Variants in ITPRID2 observed in about 807,000 individuals in gnomAD.
ITPRID2 encodes protein ITPRID2.
ITPRID2 carries 60 observed loss-of-function variants against 124.3 expected under a neutral mutation model. The ratio of observed to expected loss-of-function variants is 0.48; its 90% CI spans 0.39 to 0.60. The LOEUF (loss-of-function observed/expected upper bound fraction) is 0.60. Ranked by LOEUF, ITPRID2 falls within the 20% of genes least tolerant of loss-of-function variation. The pLI, the probability that ITPRID2 is intolerant of heterozygous loss-of-function variation, is 0.00. For missense variants in ITPRID2, 1,553 were observed against 1,512.2 expected (o/e 1.03, Z -0.45); for synonymous variants, 521 against 542.9 (o/e 0.96, Z 0.56).
At position 181,892,317 on chromosome 2, in the gene ITPRID2, G is replaced by A; in HGVS notation, c.211+40G>A. Reference sequence around the variant, plus strand: ...CCGGGCTCCGGGGGGAGGCTGGTGGGCTGGGGAGAGTCTCGTGCGCCCTGG... The same window carrying A: ...CCGGGCTCCGGGGGGAGGCTGGTGGACTGGGGAGAGTCTCGTGCGCCCTGG... On this transcript the variant is annotated intron_variant, in intron 1 of 17. Coordinates refer to ENST00000431877, the MANE Select transcript of ITPRID2 (RefSeq NM_001130445.3). This position sits in a 1 kb window ranked among gnomAD's most constrained non-coding sequence, Gnocchi z 5.2. The A allele has an allele frequency of 6.6e-7, 1 of 1,513,438 alleles. No homozygotes were observed. The highest frequency in any genetic ancestry group is 1.4e-5 in the African/African-American group (1 of 72,598). 93.8% of individuals were successfully genotyped at this position (1,513,438 alleles called of 1,614,324 possible).
At chr2:181,925,053 T>C (rs1694746612) in intron 16 of ITPRID2, among the ~76,000 whole-genome samples, 2 of 152,150 alleles carry the variant, frequency 1.3e-5, no homozygotes, top group Non-Finnish European at 2.9e-5. Flanking sequence ...GTTTAGAGAG[T>C]TATTTGTTAA....
chr2:181,909,459 G>C (rs912267850), intron 8 of ITPRID2, among the ~76,000 whole-genome samples: 1 of 152,118 alleles, frequency 6.6e-6, no homozygotes, highest in Admixed American at 6.5e-5. Context: ...TTAACGTATA[G>C]AGAACTTTTC....
chr2:181,913,763 T>C (rs1288534206), intron 9 of ITPRID2, 82 bp from the exon 10 acceptor site: 2 of 895,506 alleles, frequency 2.2e-6, no homozygotes, highest in African/African-American at 1.7e-5. Context: ...TCTGTAGTAA[T>C]ATTGCTCTCA....
chr2:181,898,845 C>T (rs758466091), intron 4 of ITPRID2, 35 bp from the exon 5 acceptor site: 1 of 1,516,824 alleles, frequency 6.6e-7, no homozygotes, highest in Non-Finnish European at 9.1e-7. Flanking sequence ...GTCCTACTAA[C>T]AATTGTGCTC....
chr2:181,924,106 A>G (rs998762771), intron 16 of ITPRID2, among the ~76,000 whole-genome samples: 2 of 152,180 alleles, frequency 1.3e-5, no homozygotes, highest in African/African-American at 2.4e-5. Flanking sequence ...TGAATTTGGC[A>G]TAGGCTTGAG....
At chr2:181,920,763 C>T (rs1694424712) in intron 15 of ITPRID2, 101 bp downstream of exon 15, 1 of 877,546 alleles carries the variant, frequency 1.1e-6, no homozygotes, top group Non-Finnish European at 1.8e-6. Context: ...ATTTTAAATA[C>T]ATAATTTGAT....
chr2:181,922,276 C>G lies in ITPRID2; in HGVS notation c.3539C>G (p.Ala1180Gly), dbSNP rs779263321. Residue 1180 changes from alanine (A) to glycine (G), a missense_variant, in exon 16 of 18, where the codon GCA becomes GGA. By Grantham distance (60) the Ala-to-Gly change is moderately conservative. Transcript: ENST00000431877. ...PDLESSEEVD[A>G]AEGAPEVVGP... ...TTGGAAAGTTCTGAGGAAGTTGATG[C>G]AGCTGAAGGAGCCCCAGAAGTTGTA... 3.7e-6 allele frequency: 6 copies of G among 1,614,200 alleles called. No homozygotes were observed. The highest frequency in any genetic ancestry group is 5.1e-6 in the Non-Finnish European group (6 of 1,180,046).
In ITPRID2 at chr2:181,899,026, G is replaced by T. The variant is rs1450135406; in HGVS notation, c.417G>T (p.Leu139Phe). ...DAQIENCNNI[L>F]AKERRLQFHQ... ...ATTTTGTTCGTAGCAATAATATCTT[G>T]GCCAAAGAGAGAAGATTACAGTTTC... Residue 139 changes from leucine to phenylalanine, a missense_variant, in exon 6 of 18, where the codon TTG (leucine) becomes TTT (phenylalanine). By Grantham distance (22) the Leu-to-Phe change is conservative. Transcript: ENST00000431877. The T allele has an allele frequency of 2.5e-6, 4 of 1,610,518 alleles. No homozygotes were observed. Among genetic ancestry groups the T allele is most frequent in the South Asian group, 2.2e-5 (2 of 90,128 alleles).
intron 13 of ITPRID2, 29 bp downstream of exon 13, chr2:181,918,911 T>C: frequency 1.9e-6 from 3 of 1,600,888 alleles, no homozygotes; most frequent in Non-Finnish European, 2.6e-6. Flanking sequence ...TTAGCACACC[T>C]CAAAAAGCTT....
chr2:181,926,468 C>G (rs1267425209), intron 16 of ITPRID2, among the ~76,000 whole-genome samples: 1 of 152,036 alleles, frequency 6.6e-6, no homozygotes, highest in Non-Finnish European at 1.5e-5. Context: ...AATCCCAGCA[C>G]TTTGGGAGGC....
At chr2:181,925,813 CA>C (rs144614210) in intron 16 of ITPRID2, among the ~76,000 whole-genome samples, 5,549 of 152,258 alleles carry the variant, frequency 0.036, 136 homozygotes, top group South Asian at 0.099. Flanking sequence ...CGTCTTGCTA[CA>C]GAGTTTTCTA....
At position 181,915,323 on chromosome 2, in the gene ITPRID2, G is replaced by A. The variant is rs1266237320; in HGVS notation, c.1683G>A (p.Gln561=). The A allele has an allele frequency of 2.5e-6, 4 of 1,614,056 alleles. No individual in the cohort carries two copies. Among genetic ancestry groups the A allele is most frequent in the Non-Finnish European group, 3.4e-6 (4 of 1,180,044 alleles). Residue 561 remains glutamine, a synonymous_variant, in exon 11 of 18, where the codon CAG becomes CAA. Coordinates refer to ENST00000431877, the MANE Select transcript of ITPRID2 (RefSeq NM_001130445.3). The stretch of plus-strand genomic sequence containing the variant: ...TTGCCACACCAACAGCACAAGACCA[G>A]CCTTATTTTAATGAATCAGAGGAGG... The part of the protein sequence containing the change: ...EDLATPTAQD[Q]PYFNESEEES...
chr2:181,919,386 C>CT lies in ITPRID2; in HGVS notation c.3084_3085insT (p.Leu1029SerfsTer26). The CT allele has an allele frequency of 6.2e-7, 1 of 1,613,860 alleles. No homozygotes were observed. The highest frequency in any genetic ancestry group is 8.5e-7 in the Non-Finnish European group (1 of 1,179,908). On this transcript the variant is annotated frameshift_variant, in exon 14 of 18. Transcript: ENST00000431877. LOFTEE classifies it high-confidence loss of function. The surrounding 1 kb of genome is among the most constrained non-coding windows in gnomAD (Gnocchi z 4.2). ...TGCAGCTGGAGGAGCGCCTGCTGGGCCTGGAGGAGCAGCTTCGTGCTGTGC... is the reference window on the plus strand; with the variant it reads ...TGCAGCTGGAGGAGCGCCTGCTGGGCTCTGGAGGAGCAGCTTCGTGCTGTGC...
In ITPRID2 at chr2:181,915,577, T is replaced by C. The variant is rs768181782; in HGVS notation, c.1937T>C (p.Val646Ala). Reference protein sequence around the residue: ...LLREASAESDVGKSSESEFTQ... With the variant: ...LLREASAESDAGKSSESEFTQ... ...AGGGAAGCAAGTGCTGAAAGTGATG[T>C]GGGTAAAAGCAGTGAAAGTGAATTT... The change falls in exon 11 of 18, where the codon GTG becomes GCG. Residue 646 changes from valine (V) to alanine (A), a missense_variant. By Grantham distance (64) the Val-to-Ala change is moderately conservative. Transcript: ENST00000431877. 2.3e-5 allele frequency: 37 copies of C among 1,614,212 alleles called. No individual in the cohort carries two copies. In the South Asian group the frequency reaches 3.8e-4, roughly 17 times the overall value.
At chr2:181,898,236 C>T (rs2125065002) in intron 4 of ITPRID2, among the ~76,000 whole-genome samples, 1 of 152,014 alleles carries the variant, frequency 6.6e-6, no homozygotes, top group South Asian at 2.1e-4. Flanking sequence ...TTCATGTGTG[C>T]TGAAATAGAT....
chr2:181,918,573 T>C, intron 11 of ITPRID2, 25 bp from the exon 12 acceptor site: 1 of 1,612,454 alleles, frequency 6.2e-7, no homozygotes, highest in Non-Finnish European at 8.5e-7. Context: ...ACATTGGTTT[T>C]AATCCTACTT....
At chr2:181,921,921 A>G (rs751600069) in intron 15 of ITPRID2, 27 bp from the exon 16 acceptor site, 1 of 1,585,112 alleles carries the variant, frequency 6.3e-7, no homozygotes, top group Non-Finnish European at 8.6e-7. Context: ...CCAAGAGAGA[A>G]GAATAACATT....
chr2:181,915,377 A>G lies in ITPRID2; in HGVS notation c.1737A>G (p.Leu579=), dbSNP rs1279995832. The G allele has an allele frequency of 1.1e-5, 18 of 1,614,068 alleles. No individual in the cohort carries two copies. The highest frequency in any genetic ancestry group is 1.7e-6 in the Non-Finnish European group (2 of 1,180,050). The change falls in exon 11 of 18, where the codon CTA becomes CTG. Residue 579 remains leucine, a synonymous_variant. Transcript: ENST00000431877. ...CTCTTGTCCCTCTTCAGAAGGGACT[A>G]GAGAAGGCAGCAGCAGTTGCAGACA... ...EESLVPLQKG[L]EKAAAVADKR... is the part of the protein sequence containing the mutation.
chr2:181,918,921 TTTCA>T (rs1478018260), intron 13 of ITPRID2, 39 bp downstream of exon 13: 1 of 1,600,292 alleles, frequency 6.2e-7, no homozygotes, highest in Non-Finnish European at 8.5e-7. Context: ...TCAAAAAGCT[TTTCA>T]TTCAAAGTCT....
Sources: allele counts gnomAD v4.1 joint callset (sites outside exome capture counted in the v4.1 genomes callset), GRCh38; gene constraint gnomAD v4.1.1; non-coding constraint Gnocchi (gnomAD v3.1); transcripts MANE v1.5; gene names NCBI Gene and HGNC (gene_info 2026-07-23, HGNC 2026-07-21).